The following PPM1H variants were observed in gnomAD, a reference collection of about 807,000 sequenced individuals.
The protein encoded by PPM1H is protein phosphatase, Mg2+/Mn2+ dependent 1H.
Under a neutral mutation model 54.9 loss-of-function variants are expected in PPM1H, and 27 were observed. The ratio of observed to expected loss-of-function variants is 0.49; its 90% CI spans 0.36 to 0.68. PPM1H has a LOEUF of 0.68. Ranked by LOEUF, PPM1H falls within the 30% of genes least tolerant of loss-of-function variation. The pLI is 0.00. For missense variants in PPM1H, 596 were observed against 667.8 expected (o/e 0.89, Z 1.19); for synonymous variants, 305 against 270.8 (o/e 1.13, Z -1.24).
Position 62,911,103 on chromosome 12 carries a change from T to C in PPM1H, c.245+23389A>G, listed in dbSNP as rs75598985. Among the ~76,000 whole-genome samples, 1,355 of 152,296 alleles carry C rather than the reference T, an allele frequency of 8.9e-3. 18 individuals carry two copies. The highest frequency in any genetic ancestry group is 0.054 in the Middle Eastern group (16 of 294). On this transcript the variant is annotated intron_variant, in intron 1 of 9. Coordinates refer to ENST00000228705, the MANE Select transcript of PPM1H (RefSeq NM_020700.2). ...CTAGAAAGCAAATCAGCTAAAAACC[T>C]GAAAAGCTAGAAGTAATGTAAATTA...
At chr12:62,714,935 G>A (rs748343818) in intron 6 of PPM1H, among the ~76,000 whole-genome samples, 5 of 152,160 alleles carry the variant, frequency 3.3e-5, no homozygotes, top group African/African-American at 4.8e-5. Context: ...CTGGCCTGGC[G>A]CCAGGGGTGA....
At chr12:62,887,058 C>T (rs1403107375) in intron 1 of PPM1H, among the ~76,000 whole-genome samples, 1 of 152,110 alleles carries the variant, frequency 6.6e-6, no homozygotes. Context: ...TGAATGGGGA[C>T]TCCATTAAGA....
chr12:62,878,757 T>C (rs1434921164), intron 1 of PPM1H, among the ~76,000 whole-genome samples: 1 of 150,172 alleles, frequency 6.7e-6, no homozygotes, highest in Non-Finnish European at 1.5e-5. Flanking sequence ...CTGGCCAACA[T>C]GGCGAAACCC....
intron 2 of PPM1H, among the ~76,000 whole-genome samples, chr12:62,805,705 G>A (rs2076801973): frequency 6.6e-6 from 1 of 152,186 alleles, no homozygotes; most frequent in South Asian, 2.1e-4. Flanking sequence ...GTTGAGGAAA[G>A]TGGGGAGATA....
intron 1 of PPM1H, among the ~76,000 whole-genome samples, chr12:62,841,523 A>G (rs1316053404): frequency 1.3e-5 from 2 of 152,162 alleles, no homozygotes; most frequent in African/African-American, 2.4e-5. Flanking sequence ...AAAATTACTT[A>G]CTATTTGGGT....
chr12:62,832,291 G>A lies in PPM1H; in HGVS notation c.246-12C>T, dbSNP rs1352099269. ...CGGCATTGATAACCCTGGAGAAGAA[G>A]CCGGAAAAGCTGGTCAGACAGACCG... is the stretch of plus-strand genomic sequence containing the variant. On this transcript the variant is annotated splice_polypyrimidine_tract_variant and intron_variant, in intron 1 of 9. Transcript: ENST00000228705. The A allele has an allele frequency of 6.2e-7, 1 of 1,600,792 alleles. No individual in the cohort carries two copies. Among genetic ancestry groups the A allele is most frequent in the South Asian group, 1.1e-5 (1 of 88,984 alleles).
At chr12:62,795,228 G>A (rs1246765876) in intron 3 of PPM1H, among the ~76,000 whole-genome samples, 1 of 152,030 alleles carries the variant, frequency 6.6e-6, no homozygotes, top group East Asian at 1.9e-4. Flanking sequence ...TCTTCTGTTC[G>A]TCTGTATTTT....
chr12:62,710,491 C>T (rs1468713101), intron 6 of PPM1H, among the ~76,000 whole-genome samples: 4 of 150,724 alleles, frequency 2.7e-5, no homozygotes, highest in Non-Finnish European at 4.4e-5. Flanking sequence ...GAGATCACAC[C>T]ACTGCACTCC....
intron 4 of PPM1H, among the ~76,000 whole-genome samples, chr12:62,776,642 G>A (rs987128887): frequency 6.6e-6 from 1 of 152,192 alleles, no homozygotes; most frequent in South Asian, 2.1e-4. Context: ...GGAAAGCAAG[G>A]TATTTTCTGG....
chr12:62,800,726 T>C (rs2076763345), intron 3 of PPM1H, among the ~76,000 whole-genome samples: 1 of 152,218 alleles, frequency 6.6e-6, no homozygotes, highest in Non-Finnish European at 1.5e-5. Flanking sequence ...TCTTTATCTG[T>C]ATGCAGGCTG....
chr12:62,652,187 A>G (rs1221538533), intron 9 of PPM1H, among the ~76,000 whole-genome samples: 1 of 152,182 alleles, frequency 6.6e-6, no homozygotes, highest in Admixed American at 6.5e-5. Context: ...TATGAAATCC[A>G]CAGGGCAGTG....
In PPM1H at chr12:62,647,545, G is replaced by C. The variant is rs889737270; in HGVS notation, c.*944C>G. ...ATATGTGTCCCCATGATACAGAAAA[G>C]TGGGATGGGGCCAGCCATTCCAGAA... On this transcript the variant is annotated 3_prime_UTR_variant, in exon 10 of 10. Coordinates refer to ENST00000228705, the MANE Select transcript of PPM1H (RefSeq NM_020700.2). 9 of 152,270 alleles carry C rather than the reference G, an allele frequency of 5.9e-5. No homozygotes were observed. The highest frequency in any genetic ancestry group is 2.2e-4 in the African/African-American group (9 of 41,446). The allele number at this position is 152,270 out of a possible 1,614,324, so 9.4% of individuals were successfully genotyped here.
At chr12:62,668,489 C>T (rs138633450) in intron 8 of PPM1H, among the ~76,000 whole-genome samples, 1 of 152,346 alleles carries the variant, frequency 6.6e-6, no homozygotes, top group East Asian at 1.9e-4. Context: ...GATTCTCCCG[C>T]TTCAGCCTCC....
chr12:62,845,224 C>G (rs1172638523), intron 1 of PPM1H, among the ~76,000 whole-genome samples: 1 of 152,204 alleles, frequency 6.6e-6, no homozygotes, highest in East Asian at 1.9e-4. Context: ...AGCTACCCAG[C>G]CATGCAATGA....
chr12:62,724,294 C>T (rs897658499), intron 5 of PPM1H, among the ~76,000 whole-genome samples: 1 of 152,156 alleles, frequency 6.6e-6, no homozygotes, highest in Non-Finnish European at 1.5e-5. Context: ...GGGCATCAGC[C>T]ATGAATGGGT....
intron 8 of PPM1H, among the ~76,000 whole-genome samples, chr12:62,681,487 T>C (rs1285919233): frequency 1.3e-5 from 2 of 152,224 alleles, no homozygotes; most frequent in East Asian, 3.8e-4. Flanking sequence ...ATCTACTGCC[T>C]TAGGTCCAGT....
At chr12:62,893,446 AC>A (rs1870871894) in intron 1 of PPM1H, among the ~76,000 whole-genome samples, 1 of 151,964 alleles carries the variant, frequency 6.6e-6, no homozygotes, top group South Asian at 2.1e-4. Flanking sequence ...ATTAGGGCCC[AC>A]TTGACCTCAT....
At chr12:62,705,082 G>T (rs1277632697) in intron 6 of PPM1H, among the ~76,000 whole-genome samples, 1 of 152,188 alleles carries the variant, frequency 6.6e-6, no homozygotes, top group African/African-American at 2.4e-5. Flanking sequence ...TTCACCGGTG[G>T]TAAGAAATAT....
At chr12:62,905,034 C>T (rs1199435680) in intron 1 of PPM1H, among the ~76,000 whole-genome samples, 1 of 152,106 alleles carries the variant, frequency 6.6e-6, no homozygotes, top group Non-Finnish European at 1.5e-5. Context: ...TCCAGCTCTG[C>T]CACTTACTCA....
Sources: gnomAD v4.1 joint callset for allele counts (sites outside exome capture counted in the v4.1 genomes callset) on GRCh38, gnomAD v4.1.1 for gene constraint, MANE v1.5 for transcripts, NCBI Gene and HGNC (gene_info 2026-07-23, HGNC 2026-07-21) for gene names.